ROBO2: variants seen among roughly 807,000 people sequenced by gnomAD.
ROBO2 encodes roundabout homolog 2.
A neutral mutation model predicts 160.8 loss-of-function variants in ROBO2; 53 were observed. The observed-to-expected ratio is 0.33, with a 90% CI of 0.26 to 0.41. ROBO2 has a LOEUF of 0.41. Ranked by LOEUF, ROBO2 falls within the 10% of genes least tolerant of loss-of-function variation. The pLI, the probability that ROBO2 is intolerant of heterozygous loss-of-function variation, is 1.00. For synonymous variants in ROBO2, 664 were observed against 611.7 expected (o/e 1.09, Z -1.26); for missense variants, 1,577 against 1,722.4 (o/e 0.92, Z 1.49).
intron 5 of ROBO2, among the ~76,000 whole-genome samples, chr3:77,518,218 G>GACT (rs2090223487): frequency 1.3e-5 from 2 of 151,418 alleles, no homozygotes; most frequent in Admixed American, 1.3e-4. Context: ...CAAGTGGGAG[G>GACT]ACTGATTGGT....
intron 2 of ROBO2, among the ~76,000 whole-genome samples, chr3:76,861,239 T>C (rs2070748761): frequency 6.6e-6 from 1 of 152,184 alleles, no homozygotes; most frequent in Admixed American, 6.5e-5. Flanking sequence ...TTGGGCAAAC[T>C]GTTTAACTTC....
At chr3:76,415,010 G>A (rs1577049225) in intron 2 of ROBO2, among the ~76,000 whole-genome samples, 1 of 152,092 alleles carries the variant, frequency 6.6e-6, no homozygotes, top group African/African-American at 2.4e-5. Flanking sequence ...AGAATGATGG[G>A]TGCTGAAGGA....
chr3:76,355,266 A>T (rs1282476311), intron 2 of ROBO2, among the ~76,000 whole-genome samples: 1 of 151,826 alleles, frequency 6.6e-6, no homozygotes, highest in Admixed American at 6.6e-5. Flanking sequence ...AATAGTGAGA[A>T]TTAAATTAGT....
chr3:76,000,237 G>T (rs983013991), intron 2 of ROBO2, among the ~76,000 whole-genome samples: 1 of 152,070 alleles, frequency 6.6e-6, no homozygotes, highest in Non-Finnish European at 1.5e-5. Context: ...AAATGAAGAA[G>T]ATGACGCTAA....
intron 2 of ROBO2, among the ~76,000 whole-genome samples, chr3:77,297,571 T>C (rs916124470): frequency 6.6e-6 from 1 of 152,142 alleles, no homozygotes; most frequent in Non-Finnish European, 1.5e-5. Flanking sequence ...CCTTGCCTCC[T>C]CTGGAAGCTT....
intron 2 of ROBO2, among the ~76,000 whole-genome samples, chr3:76,872,380 C>T (rs550345808): frequency 6.6e-6 from 1 of 151,352 alleles, no homozygotes; most frequent in Middle Eastern, 3.4e-3. Flanking sequence ...TTATCCATAA[C>T]CCTAACACTC....
intron 2 of ROBO2, among the ~76,000 whole-genome samples, chr3:76,939,979 A>AAT (rs2078050035): frequency 8.3e-6 from 1 of 120,552 alleles, no homozygotes; most frequent in Non-Finnish European, 1.6e-5. Flanking sequence ...AAGCAACAGG[A>AAT]TTTTTTTTTT....
At chr3:77,417,891 C>T (rs1041416697) in intron 2 of ROBO2, among the ~76,000 whole-genome samples, 43 of 151,908 alleles carry the variant, frequency 2.8e-4, no homozygotes, top group African/African-American at 1.0e-3. Flanking sequence ...TATATTAATT[C>T]CTTTAAGGTA....
At chr3:77,389,159 G>T (rs2074444329) in intron 2 of ROBO2, among the ~76,000 whole-genome samples, 1 of 152,082 alleles carries the variant, frequency 6.6e-6, no homozygotes, top group South Asian at 2.1e-4. Context: ...GGTCATGCTG[G>T]TCTTGAACTC....
intron 2 of ROBO2, among the ~76,000 whole-genome samples, chr3:77,256,305 T>C (rs2058409026): frequency 6.6e-6 from 1 of 152,230 alleles, no homozygotes; most frequent in Non-Finnish European, 1.5e-5. Flanking sequence ...GTAGTCATCA[T>C]TTATTTTATT....
At chr3:76,946,947 G>A (rs146674264) in intron 2 of ROBO2, among the ~76,000 whole-genome samples, 273 of 151,996 alleles carry the variant, frequency 1.8e-3, no homozygotes, top group African/African-American at 6.1e-3. Context: ...CTTTCTTTCC[G>A]TAATGTCCAA....
chr3:77,382,144 T>C (rs752096159), intron 2 of ROBO2, among the ~76,000 whole-genome samples: 10 of 152,198 alleles, frequency 6.6e-5, no homozygotes, highest in Non-Finnish European at 1.0e-4. Flanking sequence ...TTTTTAAAGC[T>C]GAGGCATAAA....
intron 2 of ROBO2, among the ~76,000 whole-genome samples, chr3:76,516,431 C>A (rs935669429): frequency 1.3e-5 from 2 of 152,092 alleles, no homozygotes; most frequent in Non-Finnish European, 2.9e-5. Context: ...CAAAATGTGA[C>A]CCCGAACACA....
chr3:76,644,054 T>C (rs182988818), intron 2 of ROBO2, among the ~76,000 whole-genome samples: 1 of 152,308 alleles, frequency 6.6e-6, no homozygotes, highest in African/African-American at 2.4e-5. Flanking sequence ...TCATTAAATA[T>C]TAAAAACTAC....
chr3:77,600,667 C>T (rs1387211967), intron 19 of ROBO2, among the ~76,000 whole-genome samples: 2 of 151,996 alleles, frequency 1.3e-5, no homozygotes, highest in South Asian at 2.1e-4. Context: ...ATGGTAGAAG[C>T]GGCAGAAACA....
chr3:76,308,179 C>T (rs2071409590), intron 2 of ROBO2, among the ~76,000 whole-genome samples: 1 of 151,882 alleles, frequency 6.6e-6, no homozygotes, highest in Non-Finnish European at 1.5e-5. Context: ...GAGTTTGAAA[C>T]CAGCCTGGCC....
intron 2 of ROBO2, among the ~76,000 whole-genome samples, chr3:76,711,435 A>C (rs183818): frequency 0.4 from 60,457 of 152,064 alleles, 12,612 homozygotes; most frequent in Non-Finnish European, 0.47. Flanking sequence ...GCACAGAGCC[A>C]AACCGTACCA....
intron 2 of ROBO2, among the ~76,000 whole-genome samples, chr3:76,876,974 C>G (rs914771014): frequency 6.6e-6 from 1 of 151,618 alleles, no homozygotes; most frequent in South Asian, 2.1e-4. Flanking sequence ...ATTTTTAAGA[C>G]ACTAAAATTT....
intron 2 of ROBO2, among the ~76,000 whole-genome samples, chr3:77,120,831 G>A (rs2150261266): frequency 6.6e-6 from 1 of 152,268 alleles, no homozygotes; most frequent in African/African-American, 2.4e-5. Context: ...TTTTGAAATT[G>A]ATTTACATGT....
Sources: allele counts gnomAD v4.1 joint callset (sites outside exome capture counted in the v4.1 genomes callset), GRCh38; gene constraint gnomAD v4.1.1; transcripts MANE v1.5; gene names NCBI Gene and HGNC (gene_info 2026-07-23, HGNC 2026-07-21).